Variants in CSTF3 observed in about 807,000 individuals in gnomAD.
The protein encoded by CSTF3 is CF-1 77 kDa subunit.
CSTF3 carries 29 observed loss-of-function variants against 105.8 expected under a neutral mutation model. That is an observed-to-expected ratio of 0.27 (90% CI 0.20 to 0.37). CSTF3 has a LOEUF of 0.37. CSTF3 is among the 10% of genes least tolerant of loss of function. The pLI, the probability that CSTF3 is intolerant of heterozygous loss-of-function variation, is 1.00. For synonymous variants in CSTF3, 252 were observed against 281.9 expected, an observed-to-expected ratio of 0.89 and a Z score of 1.06; for missense variants, 357 against 879.3, an observed-to-expected ratio of 0.41 and a Z score of 7.51.
At chr11:33,102,024 T>C (rs878900342) in intron 10 of CSTF3, among the ~76,000 whole-genome samples, 153 bp downstream of exon 10, 2 of 152,106 alleles carry the variant, frequency 1.3e-5, no homozygotes, top group South Asian at 4.2e-4. Context: ...AAAACAAAGG[T>C]TCAGTGAATA....
chr11:33,101,767 G>A (rs897448028), intron 10 of CSTF3, among the ~76,000 whole-genome samples: 1 of 152,110 alleles, frequency 6.6e-6, no homozygotes, highest in African/African-American at 2.4e-5. Flanking sequence ...AAACTCCATG[G>A]TGGTTGAAGG....
At chr11:33,119,602 T>G (rs1181584042) in intron 3 of CSTF3, among the ~76,000 whole-genome samples, 1 of 151,832 alleles carries the variant, frequency 6.6e-6, no homozygotes, top group Non-Finnish European at 1.5e-5. Flanking sequence ...AGCATAATTT[T>G]AGAAATAGCC....
intron 1 of CSTF3, among the ~76,000 whole-genome samples, chr11:33,155,971 C>T (rs572167527): frequency 2.6e-4 from 39 of 152,236 alleles, no homozygotes; most frequent in Admixed American, 2.5e-3. Context: ...GATGTAAATG[C>T]CTACATTCCC....
intron 1 of CSTF3, among the ~76,000 whole-genome samples, chr11:33,151,506 C>T (rs949025743): frequency 1.3e-5 from 2 of 151,924 alleles, no homozygotes; most frequent in Non-Finnish European, 2.9e-5. Flanking sequence ...TTTCAGTTAG[C>T]GTGTTTTCAA....
intron 1 of CSTF3, among the ~76,000 whole-genome samples, chr11:33,157,548 C>T (rs1391528700): frequency 6.6e-6 from 1 of 151,958 alleles, no homozygotes; most frequent in African/African-American, 2.4e-5. Context: ...ATTCCAATAG[C>T]TCTCTACATG....
At chr11:33,109,932 G>A (rs1855363118) in intron 3 of CSTF3, among the ~76,000 whole-genome samples, 2 of 152,042 alleles carry the variant, frequency 1.3e-5, no homozygotes, top group Admixed American at 1.3e-4. Flanking sequence ...GATTCCCCAG[G>A]CAATTCATTT....
intron 3 of CSTF3, 181 bp downstream of exon 3, chr11:33,141,486 T>C (rs1855709872): frequency 1.5e-6 from 2 of 1,321,928 alleles, no homozygotes; most frequent in Non-Finnish European, 1.9e-6. Flanking sequence ...AATCATCAGC[T>C]TGTAAAAGAC....
intron 3 of CSTF3, among the ~76,000 whole-genome samples, chr11:33,136,586 C>T (rs986177190): frequency 6.6e-6 from 1 of 151,894 alleles, no homozygotes. Flanking sequence ...TTAAACTGGT[C>T]CTTTTGTTTT....
chr11:33,139,443 G>A (rs1226429241), intron 3 of CSTF3, among the ~76,000 whole-genome samples: 3 of 151,670 alleles, frequency 2.0e-5, no homozygotes, highest in South Asian at 2.1e-4. Context: ...TTATCACTTC[G>A]GATTTTTAAA....
At chr11:33,141,425 C>T in intron 3 of CSTF3, 6 of 1,266,022 alleles carry the variant, frequency 4.7e-6, no homozygotes, top group Middle Eastern at 3.0e-4. Context: ...GGCTAAAGCA[C>T]TCCAATACCA....
Position 33,141,802 on chromosome 11 carries a change from G to A in CSTF3, c.130-40C>T, listed in dbSNP as rs774384636. 7 of 1,576,918 alleles carry A rather than the reference G, an allele frequency of 4.4e-6. No homozygotes were observed. In the Admixed American group the frequency reaches 1.2e-4, roughly 27 times the overall value. ...CAATAAACAGCATTTACAATGTTAG[G>A]ATTATGAAAATATTATTCACTGCAG... On this transcript the variant is annotated intron_variant, in intron 2 of 20. Coordinates refer to ENST00000323959, the MANE Select transcript of CSTF3 (RefSeq NM_001326.3).
chr11:33,106,235 C>T (rs959546297), intron 5 of CSTF3, among the ~76,000 whole-genome samples, 171 bp from the exon 6 acceptor site: 1 of 151,830 alleles, frequency 6.6e-6, no homozygotes, highest in Non-Finnish European at 1.5e-5. Flanking sequence ...CATAGCAAAA[C>T]CCAGTCTCTA....
chr11:33,110,797 A>G (rs1327887993), intron 3 of CSTF3, among the ~76,000 whole-genome samples: 3 of 152,222 alleles, frequency 2.0e-5, no homozygotes, highest in Admixed American at 2.0e-4. Flanking sequence ...GAAGCCATGT[A>G]ATGAAAAGGC....
chr11:33,124,010 C>T (rs544868721), intron 3 of CSTF3, among the ~76,000 whole-genome samples: 1 of 152,042 alleles, frequency 6.6e-6, no homozygotes, highest in African/African-American at 2.4e-5. Context: ...TTCATCAATT[C>T]TCAAAACCGT....
intron 16 of CSTF3, among the ~76,000 whole-genome samples, chr11:33,091,097 T>A (rs1855164765): frequency 6.6e-6 from 1 of 152,206 alleles, no homozygotes. Flanking sequence ...GTGGAGAAGT[T>A]GGAAAAGGAA....
intron 3 of CSTF3, among the ~76,000 whole-genome samples, chr11:33,140,684 C>G (rs894544087): frequency 1.3e-5 from 2 of 151,996 alleles, no homozygotes; most frequent in Admixed American, 6.6e-5. Flanking sequence ...TAAATATTAT[C>G]AAATTTCAGG....
chr11:33,101,568 A>G (rs917232079), intron 10 of CSTF3, among the ~76,000 whole-genome samples: 6 of 152,250 alleles, frequency 3.9e-5, no homozygotes, highest in African/African-American at 1.4e-4. Flanking sequence ...AGCCTCCACA[A>G]AGTCCAAGTA....
intron 17 of CSTF3, among the ~76,000 whole-genome samples, chr11:33,087,830 C>T (rs1288332745): frequency 1.3e-5 from 2 of 152,192 alleles, no homozygotes; most frequent in Non-Finnish European, 2.9e-5. Flanking sequence ...GCCTCTCTGA[C>T]CTCAAATCCA....
intron 3 of CSTF3, among the ~76,000 whole-genome samples, chr11:33,139,774 T>C (rs1855690747): frequency 6.6e-6 from 1 of 151,998 alleles, no homozygotes; most frequent in Non-Finnish European, 1.5e-5. Context: ...GTGAAGTAAC[T>C]GCAAATATTA....
Sources: allele counts gnomAD v4.1 joint callset (sites outside exome capture counted in the v4.1 genomes callset), GRCh38; gene constraint gnomAD v4.1.1; transcripts MANE v1.5; gene names NCBI Gene and HGNC (gene_info 2026-07-23, HGNC 2026-07-21).